The following ADAMTSL1 variants were observed in gnomAD, a reference collection of about 807,000 sequenced individuals.
The protein encoded by ADAMTSL1 is ADAMTS like 1, also known as ADAMTS-like protein 1.
A neutral mutation model predicts 201.8 loss-of-function variants in ADAMTSL1; 126 were observed. That is an observed-to-expected ratio of 0.62 (90% CI 0.54 to 0.72). The LOEUF is 0.72. Among genes scored for constraint, ADAMTSL1 ranks in the 30% least tolerant of loss-of-function variants. The probability of loss-of-function intolerance (pLI) is 0.00; values close to 1 mark genes in which losing one functional copy is unlikely to be tolerated. For synonymous variants in ADAMTSL1, 1,121 were observed against 903.4 expected, an observed-to-expected ratio of 1.24 and a Z score of -4.32; for missense variants, 2,679 against 2,277.8, an observed-to-expected ratio of 1.18 and a Z score of -3.59.
chr9:18,343,322 T>C (rs1168391802), intron 2 of ADAMTSL1, among the ~76,000 whole-genome samples: 1 of 152,126 alleles, frequency 6.6e-6, no homozygotes, highest in African/African-American at 2.4e-5. Flanking sequence ...AAGTCTCTAC[T>C]TCTGTGCTTT....
At chr9:18,117,761 T>C (rs2131904866) in intron 1 of ADAMTSL1, among the ~76,000 whole-genome samples, 1 of 152,308 alleles carries the variant, frequency 6.6e-6, no homozygotes, top group East Asian at 1.9e-4. Context: ...TAATGTAATG[T>C]CTGACACATA....
At chr9:18,334,272 T>A (rs1412095138) in intron 2 of ADAMTSL1, among the ~76,000 whole-genome samples, 1 of 152,188 alleles carries the variant, frequency 6.6e-6, no homozygotes, top group Non-Finnish European at 1.5e-5. Context: ...ATTGTGAACC[T>A]CTGATTAGGC....
At chr9:18,074,221 G>T (rs1262042985) in intron 1 of ADAMTSL1, among the ~76,000 whole-genome samples, 1 of 152,080 alleles carries the variant, frequency 6.6e-6, no homozygotes, top group Non-Finnish European at 1.5e-5. Flanking sequence ...CTTCCCTTTG[G>T]CTTGTAAACT....
At chr9:18,838,654 T>C (rs1277979450) in intron 23 of ADAMTSL1, among the ~76,000 whole-genome samples, 2 of 151,888 alleles carry the variant, frequency 1.3e-5, no homozygotes. Context: ...CAGCAAGACC[T>C]TATCACTACA....
chr9:18,634,858 A>AATATAT (rs71333054), intron 5 of ADAMTSL1, among the ~76,000 whole-genome samples: 4 of 119,436 alleles, frequency 3.3e-5, no homozygotes, highest in African/African-American at 9.1e-5. Context: ...AGAATATGTA[A>AATATAT]ATATATATAT....
At chr9:18,170,694 G>A (rs116035561) in intron 2 of ADAMTSL1, among the ~76,000 whole-genome samples, 58 of 152,144 alleles carry the variant, frequency 3.8e-4, no homozygotes, top group African/African-American at 1.3e-3. Flanking sequence ...ATAGCAAACA[G>A]CTTCCATTTT....
chr9:17,940,800 A>ACG (rs1363820244), intron 1 of ADAMTSL1, among the ~76,000 whole-genome samples: 1 of 32,774 alleles, frequency 3.1e-5, no homozygotes, highest in East Asian at 2.0e-3. Context: ...AAAGTAAATA[A>ACG]CACCCCCCCC....
intron 1 of ADAMTSL1, among the ~76,000 whole-genome samples, chr9:18,086,306 C>T (rs1406174789): frequency 2.0e-5 from 3 of 152,016 alleles, no homozygotes; most frequent in Non-Finnish European, 2.9e-5. Flanking sequence ...CAAGCATTTG[C>T]CAGTTGTGTT....
At chr9:18,708,951 A>T (rs1037553195) in intron 14 of ADAMTSL1, among the ~76,000 whole-genome samples, 2 of 152,216 alleles carry the variant, frequency 1.3e-5, no homozygotes, top group African/African-American at 4.8e-5. Context: ...TTTTTAGAAG[A>T]TACTGATTTA....
intron 17 of ADAMTSL1, among the ~76,000 whole-genome samples, chr9:18,771,871 A>G (rs1015191089): frequency 2.0e-5 from 3 of 152,084 alleles, no homozygotes; most frequent in Non-Finnish European, 4.4e-5. Context: ...TCTTGCCCAT[A>G]TCTTATCAAC....
At chr9:18,580,491 A>G (rs1454878140) in intron 4 of ADAMTSL1, among the ~76,000 whole-genome samples, 1 of 152,174 alleles carries the variant, frequency 6.6e-6, no homozygotes, top group African/African-American at 2.4e-5. Context: ...ACATGGAAGC[A>G]TGGTTTTTCT....
At chr9:18,380,787 C>T (rs1448120549) in intron 2 of ADAMTSL1, among the ~76,000 whole-genome samples, 4 of 152,188 alleles carry the variant, frequency 2.6e-5, no homozygotes, top group African/African-American at 4.8e-5. Context: ...AGTTCACCTC[C>T]GTTTCTGTCC....
At chr9:18,408,379 G>A (rs1380600766) in intron 2 of ADAMTSL1, among the ~76,000 whole-genome samples, 7 of 152,138 alleles carry the variant, frequency 4.6e-5, no homozygotes, top group Admixed American at 1.3e-4. Flanking sequence ...GCTGAGGCAG[G>A]AGAATTGCTT....
chr9:18,205,105 C>T (rs1273011424), intron 2 of ADAMTSL1, among the ~76,000 whole-genome samples: 1 of 152,116 alleles, frequency 6.6e-6, no homozygotes, highest in African/African-American at 2.4e-5. Flanking sequence ...CCTATCAAGG[C>T]TCTCTTCCAA....
At chr9:18,333,548 T>C (rs1835114975) in intron 2 of ADAMTSL1, among the ~76,000 whole-genome samples, 1 of 152,196 alleles carries the variant, frequency 6.6e-6, no homozygotes, top group Non-Finnish European at 1.5e-5. Context: ...CAAGCCAATT[T>C]TGTAAAAATG....
In ADAMTSL1 at chr9:18,892,426, T is replaced by C; in HGVS notation, c.4681T>C (p.Cys1561Arg). The C allele has an allele frequency of 6.2e-7, 1 of 1,613,642 alleles. No individual in the cohort carries two copies. Among genetic ancestry groups the C allele is most frequent in the Non-Finnish European group, 8.5e-7 (1 of 1,179,814 alleles). ...CTCCTGGTCTGCCTGTACCCGGAGCTGTGGGGGAGGTGTCCAGACCCGCAG... is the reference window on the plus strand; with the variant it reads ...CTCCTGGTCTGCCTGTACCCGGAGCCGTGGGGGAGGTGTCCAGACCCGCAG... The part of the protein sequence containing the change: ...VTSWSACTRS[C>R]GGGVQTRRVT... The change falls in exon 26 of 29, where the codon TGT becomes CGT. Residue 1561 changes from cysteine (C) to arginine (R), a missense_variant. Cys to Arg is a radical substitution (Grantham distance 180, BLOSUM62 -3). Coordinates refer to ENST00000380548, the MANE Select transcript of ADAMTSL1 (RefSeq NM_001040272.6).
At chr9:17,955,109 T>G (rs1588472826) in intron 1 of ADAMTSL1, among the ~76,000 whole-genome samples, 2 of 152,204 alleles carry the variant, frequency 1.3e-5, no homozygotes, top group Non-Finnish European at 2.9e-5. Flanking sequence ...CGATATATCG[T>G]GTGCATAGAA....
intron 5 of ADAMTSL1, among the ~76,000 whole-genome samples, chr9:18,627,321 G>T (rs974247835): frequency 1.3e-5 from 2 of 152,064 alleles, no homozygotes; most frequent in Non-Finnish European, 2.9e-5. Flanking sequence ...GTGAGTAGTG[G>T]TATTTCATAC....
chr9:18,387,511 A>C (rs1837852533), intron 2 of ADAMTSL1, among the ~76,000 whole-genome samples: 1 of 152,064 alleles, frequency 6.6e-6, no homozygotes, highest in Non-Finnish European at 1.5e-5. Context: ...GGCATCTATA[A>C]ATCATATATA....
Sources: gnomAD v4.1 joint callset for allele counts (sites outside exome capture counted in the v4.1 genomes callset) on GRCh38, gnomAD v4.1.1 for gene constraint, MANE v1.5 for transcripts, NCBI Gene and HGNC (gene_info 2026-07-23, HGNC 2026-07-21) for gene names.